Variants in VIPR2 observed in about 807,000 individuals in gnomAD.
The protein encoded by VIPR2 is vasoactive intestinal polypeptide receptor 2.
In VIPR2, 48 loss-of-function variants were observed where a neutral mutation model predicts 58.0. That is an observed-to-expected ratio of 0.83 (90% CI 0.66 to 1.05). The LOEUF (loss-of-function observed/expected upper bound fraction) is 1.05. VIPR2 is among the 50% of genes least tolerant of loss of function. The pLI, the probability that VIPR2 is intolerant of heterozygous loss-of-function variation, is 0.00. For synonymous variants in VIPR2, 243 were observed against 235.2 expected (o/e 1.03, Z -0.30); for missense variants, 534 against 558.0 (o/e 0.96, Z 0.43).
chr7:159,068,543 C>T (rs73523927), intron 4 of VIPR2, among the ~76,000 whole-genome samples: 291 of 152,352 alleles, frequency 1.9e-3, no homozygotes, highest in African/African-American at 6.5e-3. Context: ...TGTCTGTTCT[C>T]TTGTTCAATT....
At chr7:159,083,736 G>T (rs1470526199) in intron 4 of VIPR2, among the ~76,000 whole-genome samples, 3 of 152,234 alleles carry the variant, frequency 2.0e-5, no homozygotes, top group Non-Finnish European at 4.4e-5. Flanking sequence ...TATGCAGTTT[G>T]GGGGGTGACA....
intron 4 of VIPR2, among the ~76,000 whole-genome samples, chr7:159,068,704 G>A (rs996374352): frequency 1.3e-5 from 2 of 152,200 alleles, no homozygotes; most frequent in African/African-American, 4.8e-5. Flanking sequence ...GCAACAGCAC[G>A]GCCTCAGAAA....
chr7:159,131,640 G>A (rs1396953356), intron 2 of VIPR2, among the ~76,000 whole-genome samples: 1 of 152,170 alleles, frequency 6.6e-6, no homozygotes, highest in African/African-American at 2.4e-5. Flanking sequence ...AGTCACAGGT[G>A]TGTCTGTGAC....
chr7:159,135,202 A>C (rs1797165762), intron 2 of VIPR2, among the ~76,000 whole-genome samples: 1 of 151,970 alleles, frequency 6.6e-6, no homozygotes, highest in Non-Finnish European at 1.5e-5. Context: ...GTGGGAGGCC[A>C]AGGCAGGCGG....
intron 4 of VIPR2, chr7:159,059,292 C>T (rs905292926): frequency 1.3e-5 from 6 of 471,210 alleles, no homozygotes; most frequent in Non-Finnish European, 2.2e-5. Flanking sequence ...ACCTGCAGGG[C>T]ATCATCATCA....
intron 4 of VIPR2, among the ~76,000 whole-genome samples, chr7:159,082,541 C>T (rs1022429335): frequency 2.2e-4 from 34 of 152,194 alleles, no homozygotes; most frequent in African/African-American, 7.5e-4. Flanking sequence ...ATGGGTGCAG[C>T]ACACCAACAT....
intron 2 of VIPR2, among the ~76,000 whole-genome samples, chr7:159,120,015 A>G (rs1456034020): frequency 6.6e-6 from 1 of 151,964 alleles, no homozygotes; most frequent in Non-Finnish European, 1.5e-5. Flanking sequence ...GGGAGGGGAC[A>G]GTGTGCTGGG....
intron 2 of VIPR2, among the ~76,000 whole-genome samples, chr7:159,132,547 C>T (rs1353549900): frequency 5.3e-5 from 8 of 152,278 alleles, no homozygotes. Context: ...GACACCCCAT[C>T]TGGAACTCCA....
chr7:159,079,714 C>T (rs370752848), intron 4 of VIPR2, among the ~76,000 whole-genome samples: 5 of 151,814 alleles, frequency 3.3e-5, no homozygotes, highest in African/African-American at 7.3e-5. Flanking sequence ...ATTGATAGAC[C>T]GCTAGCAAGA....
rs142346584 is a variant in VIPR2, at chr7:159,108,771, A to G, written c.259+1041T>C. 7.4e-3 allele frequency among the ~76,000 whole-genome samples: 1,131 copies of G among 152,312 alleles called. 7 individuals are homozygous for G. The highest frequency in any genetic ancestry group is 0.012 in the Admixed American group (180 of 15,300). On this transcript the variant is annotated intron_variant, in intron 3 of 12. Coordinates refer to ENST00000262178, the MANE Select transcript of VIPR2 (RefSeq NM_003382.5). ...CTAGGAAAAGCCAGAGTCCATGCCA[A>G]TTCCCTCCAGATCTCCAGGAGAATG...
At chr7:159,136,672 G>A (rs924534335) in intron 2 of VIPR2, among the ~76,000 whole-genome samples, 9 of 152,034 alleles carry the variant, frequency 5.9e-5, no homozygotes, top group Non-Finnish European at 1.0e-4. Context: ...GAACCCCCGC[G>A]TCAACACAGT....
intron 5 of VIPR2, among the ~76,000 whole-genome samples, chr7:159,051,642 T>A (rs975038840): frequency 2.6e-5 from 4 of 152,126 alleles, no homozygotes; most frequent in African/African-American, 9.7e-5. Context: ...TTATAAAATA[T>A]CTACATTTAA....
intron 5 of VIPR2, 134 bp from the exon 6 acceptor site, chr7:159,043,310 A>C (rs1854459590): frequency 1.3e-6 from 1 of 754,050 alleles, no homozygotes; most frequent in Admixed American, 3.8e-5. Flanking sequence ...GGCATGAAGC[A>C]GATTTCACCA....
chr7:159,098,588 T>C lies in VIPR2; in HGVS notation c.357+5169A>G, dbSNP rs975982973. On this transcript the variant is annotated intron_variant, in intron 4 of 12. Coordinates refer to ENST00000262178, the MANE Select transcript of VIPR2 (RefSeq NM_003382.5). The surrounding 1 kb of genome is among the most constrained non-coding windows in gnomAD (Gnocchi z 5.2). ...CCACGGCTGGTGCGGCCCCTTGGGC[T>C]CCAGGTCCAGATGAGATGCAGCTGC... 6.6e-6 allele frequency among the ~76,000 whole-genome samples: 1 copy of C among 151,984 alleles called. No homozygotes were observed. The highest frequency in any genetic ancestry group is 2.4e-5 in the African/African-American group (1 of 41,372).
At position 159,127,018 on chromosome 7, in the gene VIPR2, G is replaced by A. The variant is rs1388405947; in HGVS notation, c.151+15428C>T. Reference sequence around the variant, plus strand: ...CCCTGGCTGGCAAGAGTCCCCTCCTGGTCCCTAAGAGAAACAGCTAAGACA... The same window carrying A: ...CCCTGGCTGGCAAGAGTCCCCTCCTAGTCCCTAAGAGAAACAGCTAAGACA... On this transcript the variant is annotated intron_variant, in intron 2 of 12. Transcript: ENST00000262178. This position sits in a 1 kb window ranked among gnomAD's most constrained non-coding sequence, Gnocchi z 4.6. Among the ~76,000 whole-genome samples the A allele has an allele frequency of 1.3e-5, 2 of 152,124 alleles. No individual in the cohort carries two copies.
At chr7:159,111,967 T>C (rs1023503550) in intron 2 of VIPR2, among the ~76,000 whole-genome samples, 2 of 152,056 alleles carry the variant, frequency 1.3e-5, no homozygotes, top group African/African-American at 2.4e-5. Flanking sequence ...GTAAAGATCA[T>C]GGCACCGCAC....
chr7:159,083,002 T>C (rs2129494961), intron 4 of VIPR2, among the ~76,000 whole-genome samples: 1 of 152,338 alleles, frequency 6.6e-6, no homozygotes, highest in East Asian at 1.9e-4. Context: ...GTTTCAGTTG[T>C]GGTTGGCTTC....
At chr7:159,118,872 C>T (rs1316307363) in intron 2 of VIPR2, among the ~76,000 whole-genome samples, 5 of 152,244 alleles carry the variant, frequency 3.3e-5, no homozygotes, top group Admixed American at 3.3e-4. Flanking sequence ...TGCACAGAAC[C>T]GAGGCCTGGG....
At position 159,074,244 on chromosome 7, in the gene VIPR2, G is replaced by A. The variant is rs116439269; in HGVS notation, c.358-15666C>T. 3.9e-3 allele frequency among the ~76,000 whole-genome samples: 600 copies of A among 152,246 alleles called. 2 individuals are homozygous for A. The highest frequency in any genetic ancestry group is 0.013 in the African/African-American group (557 of 41,538). ...TAAAATATCTAGGAATAAACTGAGC[G>A]GAAAATGTTCTGGGCCTAAAGTGAG... On this transcript the variant is annotated intron_variant, in intron 4 of 12. Coordinates refer to ENST00000262178, the MANE Select transcript of VIPR2 (RefSeq NM_003382.5).
Sources: allele counts gnomAD v4.1 joint callset (sites outside exome capture counted in the v4.1 genomes callset), GRCh38; gene constraint gnomAD v4.1.1; non-coding constraint Gnocchi (gnomAD v3.1); transcripts MANE v1.5; gene names NCBI Gene and HGNC (gene_info 2026-07-23, HGNC 2026-07-21).